Variants in AFF3 observed in about 807,000 individuals in gnomAD.
AFF3 encodes the protein AF4/FMR2 family member 3.
In AFF3, 32 loss-of-function variants were observed where a neutral mutation model predicts 129.7. That is an observed-to-expected ratio of 0.25 (90% CI 0.19 to 0.33). AFF3 has a LOEUF of 0.33. Ranked by LOEUF, AFF3 falls within the 10% of genes least tolerant of loss-of-function variation. The pLI, the probability that AFF3 is intolerant of heterozygous loss-of-function variation, is 1.00. For synonymous variants in AFF3, 644 were observed against 635.4 expected (o/e 1.01, Z -0.20); for missense variants, 1,373 against 1,592.0 (o/e 0.86, Z 2.34).
At chr2:99,681,058 G>GT (rs999373075) in intron 11 of AFF3, among the ~76,000 whole-genome samples, 22 of 151,444 alleles carry the variant, frequency 1.5e-4, no homozygotes, top group East Asian at 3.9e-4. Flanking sequence ...TGGGCATCAG[G>GT]TTTTTTTTTC....
At chr2:100,095,835 CA>C (rs1435262015) in intron 4 of AFF3, among the ~76,000 whole-genome samples, 6 of 152,332 alleles carry the variant, frequency 3.9e-5, no homozygotes, top group Admixed American at 3.9e-4. Context: ...GGAAATTACA[CA>C]TGGAAACTGC....
At position 99,640,868 on chromosome 2, in the gene AFF3, G is replaced by A. The variant is rs371715130; in HGVS notation, c.1184+8758C>T. Among the ~76,000 whole-genome samples the A allele has an allele frequency of 1.1e-4, 16 of 152,220 alleles. 1 individual carries two copies. The highest frequency in any genetic ancestry group is 7.9e-4 in the Admixed American group (12 of 15,284). ...TGCTGATGGAATAGGAGCTGTGGGC[G>A]CTGGGGCAGTTGGCTATTTAAGGTT... On this transcript the variant is annotated intron_variant, in intron 13 of 24. Transcript: ENST00000672756.
intron 21 of AFF3, 44 bp from the exon 22 acceptor site, chr2:99,559,012 T>A: frequency 6.4e-7 from 1 of 1,569,354 alleles, no homozygotes; most frequent in Non-Finnish European, 8.8e-7. Context: ...GCTGAGTGCG[T>A]CGTGCGCAAA....
chr2:99,881,319 T>A (rs1692697476), intron 7 of AFF3, among the ~76,000 whole-genome samples: 1 of 152,106 alleles, frequency 6.6e-6, no homozygotes, highest in Non-Finnish European at 1.5e-5. Context: ...GTATATTTTA[T>A]TCTCCTGCCT....
At chr2:99,870,627 C>A (rs1288159998) in intron 7 of AFF3, among the ~76,000 whole-genome samples, 1 of 152,198 alleles carries the variant, frequency 6.6e-6, no homozygotes, top group African/African-American at 2.4e-5. Context: ...CCTCTGCAGG[C>A]CAGCAGGCCC....
At chr2:100,128,026 C>T (rs529624882) in intron 2 of AFF3, among the ~76,000 whole-genome samples, 18 of 152,240 alleles carry the variant, frequency 1.2e-4, no homozygotes, top group African/African-American at 2.9e-4. Context: ...GACCTCTGAT[C>T]GTCCTCACTG....
At chr2:99,603,028 A>G (rs1679984413) in intron 13 of AFF3, among the ~76,000 whole-genome samples, 1 of 152,166 alleles carries the variant, frequency 6.6e-6, no homozygotes. Context: ...TCTTCCACCA[A>G]TGTCACGGTC....
At chr2:99,750,739 C>G (rs988084040) in intron 9 of AFF3, among the ~76,000 whole-genome samples, 4 of 152,106 alleles carry the variant, frequency 2.6e-5, no homozygotes, top group African/African-American at 9.7e-5. Context: ...GAAACACAAT[C>G]CAAAGTAACT....
intron 8 of AFF3, among the ~76,000 whole-genome samples, chr2:99,836,613 T>G (rs903636764): frequency 3.3e-5 from 5 of 152,066 alleles, no homozygotes; most frequent in African/African-American, 1.2e-4. Context: ...AATGTAAAAT[T>G]TTAACCCAAG....
intron 7 of AFF3, among the ~76,000 whole-genome samples, chr2:99,843,183 T>C (rs1400941771): frequency 1.3e-5 from 2 of 152,194 alleles, no homozygotes; most frequent in African/African-American, 4.8e-5. Flanking sequence ...GCAGGGACCA[T>C]CATAATTCCA....
chr2:99,995,430 T>C (rs1215369859), intron 7 of AFF3, among the ~76,000 whole-genome samples: 1 of 151,998 alleles, frequency 6.6e-6, no homozygotes, highest in East Asian at 1.9e-4. Context: ...TAGAGTGCAG[T>C]GGTGCGATCT....
At chr2:99,766,629 C>T (rs1190406199) in intron 8 of AFF3, among the ~76,000 whole-genome samples, 1 of 152,086 alleles carries the variant, frequency 6.6e-6, no homozygotes, top group African/African-American at 2.4e-5. Context: ...ACATTCCCCC[C>T]CAAAAGTTCA....
rs534758413 is a variant in AFF3, at chr2:99,932,208, C to T, written c.873+74424G>A. 5.9e-5 allele frequency among the ~76,000 whole-genome samples: 9 copies of T among 151,828 alleles called. No homozygotes were observed. In the South Asian group the frequency reaches 1.2e-3, roughly 21 times the overall value. On this transcript the variant is annotated intron_variant, in intron 7 of 24. Coordinates refer to ENST00000672756, the MANE Select transcript of AFF3 (RefSeq NM_001386135.1). ...TTAAAACATTATGAGATTTTTTTTG[C>T]GATTTTTTTTTAGCTCATCAGCTAT...
intron 11 of AFF3, among the ~76,000 whole-genome samples, chr2:99,702,784 G>A (rs1251087859): frequency 6.6e-6 from 1 of 152,186 alleles, no homozygotes; most frequent in Non-Finnish European, 1.5e-5. Context: ...TAAGGTCTGG[G>A]AGTTCTTTAT....
chr2:99,690,965 A>G (rs765131023), intron 11 of AFF3, among the ~76,000 whole-genome samples: 1 of 151,978 alleles, frequency 6.6e-6, no homozygotes, highest in African/African-American at 2.4e-5. Context: ...TTTCTGTTTG[A>G]ATGTCCAGGC....
At chr2:99,831,382 A>G (rs1402573322) in intron 8 of AFF3, among the ~76,000 whole-genome samples, 3 of 152,242 alleles carry the variant, frequency 2.0e-5, no homozygotes, top group Non-Finnish European at 4.4e-5. Context: ...AAAAAATAAA[A>G]TTGCATTGGT....
chr2:99,848,436 C>A (rs1217932148), intron 7 of AFF3, among the ~76,000 whole-genome samples: 2 of 152,116 alleles, frequency 1.3e-5, no homozygotes, highest in Non-Finnish European at 2.9e-5. Context: ...GCAAAGAAAA[C>A]CATGTGCTTA....
intron 13 of AFF3, among the ~76,000 whole-genome samples, chr2:99,648,907 A>ACTCTCTCTCTCT (rs1464965146): frequency 3.0e-3 from 117 of 39,278 alleles, no homozygotes; most frequent in Middle Eastern, 0.014. Flanking sequence ...ACACACACAC[A>ACTCTCTCTCTCT]CACACACACA....
intron 2 of AFF3, among the ~76,000 whole-genome samples, chr2:100,126,280 C>T (rs995634728): frequency 1.3e-5 from 2 of 152,124 alleles, no homozygotes; most frequent in Non-Finnish European, 2.9e-5. Flanking sequence ...TGATCAGTGG[C>T]AAAGCATGTT....
Sources: gnomAD v4.1 joint callset for allele counts (sites outside exome capture counted in the v4.1 genomes callset) on GRCh38, gnomAD v4.1.1 for gene constraint, MANE v1.5 for transcripts, NCBI Gene and HGNC (gene_info 2026-07-23, HGNC 2026-07-21) for gene names.